SGTA: variants seen among roughly 807,000 people sequenced by gnomAD.
SGTA encodes the protein small glutamine rich tetratricopeptide repeat co-chaperone alpha.
A neutral mutation model predicts 44.3 loss-of-function variants in SGTA; 22 were observed. That is an observed-to-expected ratio of 0.50 (90% CI 0.36 to 0.71). The LOEUF is 0.71. SGTA is among the 30% of genes least tolerant of loss of function. The pLI, the probability that SGTA is intolerant of heterozygous loss-of-function variation, is 0.00. For synonymous variants in SGTA, 174 were observed against 177.6 expected (o/e 0.98, Z 0.16); for missense variants, 341 against 435.9 (o/e 0.78, Z 1.94).
intron 1 of SGTA, among the ~76,000 whole-genome samples, chr19:2,769,961 G>A (rs1218599566): frequency 1.5e-4 from 3 of 20,274 alleles, no homozygotes; most frequent in Non-Finnish European, 2.7e-4. Flanking sequence ...TCGGACACCC[G>A]CCTAGTTCCC....
chr19:2,756,892 C>T (rs1914834200), intron 11 of SGTA, among the ~76,000 whole-genome samples: 2 of 152,216 alleles, frequency 1.3e-5, no homozygotes, highest in African/African-American at 4.8e-5. Flanking sequence ...GCAGAACGCT[C>T]GGGCGCAGTC....
Position 2,761,600 on chromosome 19 carries a change from A to C in SGTA, c.637-78T>G. 1 of 1,162,934 alleles carries C rather than the reference A, an allele frequency of 8.6e-7. No individual in the cohort carries two copies. Among genetic ancestry groups the C allele is most frequent in the Non-Finnish European group, 1.3e-6 (1 of 797,620 alleles). 72.0% of individuals were successfully genotyped at this position (1,162,934 alleles called of 1,614,324 possible). ...AATAACCCCCTGGAACTCAGAAACA[A>C]CGGCCCCCCACGGGGCTCAGACATT... On this transcript the variant is annotated intron_variant, in intron 7 of 11. Transcript: ENST00000221566. The surrounding 1 kb of genome is among the most constrained non-coding windows in gnomAD (Gnocchi z 5.7).
Position 2,761,481 on chromosome 19 carries a change from G to T in SGTA, c.678C>A (p.Asn226Lys). ...VGSFDIAGLL[N>K]NPGFMSMASN... is the part of the protein sequence containing the mutation. ...TTACCATGCTCATGAAGCCAGGGTT[G>T]TTCAGCAGGCCGGCGATGTCGAAGC... Residue 226 changes from asparagine (N) to lysine (K), a missense_variant, in exon 8 of 12, where the codon AAC becomes AAA. By Grantham distance (94) the Asn-to-Lys change is moderately conservative. Coordinates refer to ENST00000221566, the MANE Select transcript of SGTA (RefSeq NM_003021.4). The surrounding 1 kb of genome is among the most constrained non-coding windows in gnomAD (Gnocchi z 5.7). 6.4e-7 allele frequency: 1 copy of T among 1,551,628 alleles called. No homozygotes were observed. Among genetic ancestry groups the T allele is most frequent in the African/African-American group, 1.4e-5 (1 of 73,132 alleles).
chr19:2,781,651 C>A (rs1248775291), intron 1 of SGTA, among the ~76,000 whole-genome samples: 1 of 152,104 alleles, frequency 6.6e-6, no homozygotes, highest in Non-Finnish European at 1.5e-5. Flanking sequence ...GGGGACCACC[C>A]GAGACCACCC....
At chr19:2,780,512 C>A (rs939869663) in intron 1 of SGTA, among the ~76,000 whole-genome samples, 4 of 152,134 alleles carry the variant, frequency 2.6e-5, no homozygotes, top group African/African-American at 9.7e-5. Flanking sequence ...GGGGCCTACA[C>A]CAAACCCTGT....
rs1326071243 is a variant in SGTA at position 2,767,493 on chromosome 19, G to A, written c.207+87C>T. 1 of 1,106,284 alleles carries A rather than the reference G, an allele frequency of 9.0e-7. No homozygotes were observed. Among genetic ancestry groups the A allele is most frequent in the Non-Finnish European group, 1.4e-6 (1 of 735,756 alleles). The allele number at this position is 1,106,284 out of a possible 1,614,324, so 68.5% of individuals were successfully genotyped here. On this transcript the variant is annotated intron_variant, in intron 3 of 11. Coordinates refer to ENST00000221566, the MANE Select transcript of SGTA (RefSeq NM_003021.4). This position sits in a 1 kb window ranked among gnomAD's most constrained non-coding sequence, Gnocchi z 7.3. Reference sequence around the variant, plus strand: ...TGCAGGCAGAGTGCTGGGGGACGATGAGAGCGGGGCTCCTGGGGTCCCCAG... The same window carrying A: ...TGCAGGCAGAGTGCTGGGGGACGATAAGAGCGGGGCTCCTGGGGTCCCCAG...
intron 2 of SGTA, among the ~76,000 whole-genome samples, chr19:2,768,269 C>A (rs1431295002): frequency 6.6e-6 from 1 of 152,112 alleles, no homozygotes; most frequent in Non-Finnish European, 1.5e-5. Flanking sequence ...CTCGTGTGGA[C>A]CCAGGGTCCT....
rs148766165 is a variant in SGTA at position 2,776,075 on chromosome 19, C to T, written c.-23-6984G>A. Among the ~76,000 whole-genome samples the T allele has an allele frequency of 2.7e-3, 411 of 152,230 alleles. 2 individuals are homozygous for T. The highest frequency in any genetic ancestry group is 8.5e-3 in the African/African-American group (351 of 41,536). On this transcript the variant is annotated intron_variant, in intron 1 of 11. Coordinates refer to ENST00000221566, the MANE Select transcript of SGTA (RefSeq NM_003021.4). ...CTCATGTACGACACATCAGGGCCCA[C>T]GGCAGTCAACCACCACCAGAAAGTG...
At chr19:2,782,067 C>G (rs144447190) in intron 1 of SGTA, among the ~76,000 whole-genome samples, 15 of 152,224 alleles carry the variant, frequency 9.9e-5, no homozygotes, top group African/African-American at 3.6e-4. Context: ...GTCTTGAACT[C>G]CTGACCTCAG....
chr19:2,769,057 CTTG>C lies in SGTA; in HGVS notation c.9_11del (p.Asn3del), dbSNP rs1446684063. Reference sequence around the variant, plus strand: ...GGATGATGGCGTAGGCCAGGCGCTTCTTGTTGTCCATCTTGAGCCCAGAAGAGG... The same window carrying C: ...GGATGATGGCGTAGGCCAGGCGCTTCTTGTCCATCTTGAGCCCAGAAGAGG... On this transcript the variant is annotated inframe_deletion, in exon 2 of 12. Transcript: ENST00000221566. 22 of 1,613,760 alleles carry C rather than the reference CTTG, an allele frequency of 1.4e-5. No individual in the cohort carries two copies. Among genetic ancestry groups the C allele is most frequent in the Non-Finnish European group, 1.6e-5 (19 of 1,179,870 alleles).
Position 2,755,901 on chromosome 19 carries a change from G to A in SGTA, c.*39C>T, listed in dbSNP as rs1427600993. 5 of 985,608 alleles carry A rather than the reference G, an allele frequency of 5.1e-6. No homozygotes were observed. The highest frequency in any genetic ancestry group is 6.2e-5 in the Admixed American group (1 of 16,250). 61.1% of individuals were successfully genotyped at this position (985,608 alleles called of 1,614,324 possible). Reference sequence around the variant, plus strand: ...ACAACCAGAAGGCTTCCTTCGGGTCGGCCAGGGAAGGACGCGGTCACACCG... The same window carrying A: ...ACAACCAGAAGGCTTCCTTCGGGTCAGCCAGGGAAGGACGCGGTCACACCG... On this transcript the variant is annotated 3_prime_UTR_variant, in exon 12 of 12. Coordinates refer to ENST00000221566, the MANE Select transcript of SGTA (RefSeq NM_003021.4). This position sits in a 1 kb window ranked among gnomAD's most constrained non-coding sequence, Gnocchi z 5.2.
At position 2,767,185 on chromosome 19, in the gene SGTA, G is replaced by T; in HGVS notation, c.243C>A (p.Thr81=). ...MPQDLRSPAR[T]PPSEEDSAEA... ...CTGCTGAGTCCTCCTCGGAAGGCGG[G>T]GTTCGCGCGGGGCTCCTCAGGTCCT... Residue 81 remains threonine, a synonymous_variant, in exon 4 of 12, where the codon ACC becomes ACA. Coordinates refer to ENST00000221566, the MANE Select transcript of SGTA (RefSeq NM_003021.4). This position sits in a 1 kb window ranked among gnomAD's most constrained non-coding sequence, Gnocchi z 7.3. 1.2e-6 allele frequency: 2 copies of T among 1,612,620 alleles called. No individual in the cohort carries two copies. The highest frequency in any genetic ancestry group is 1.7e-6 in the Non-Finnish European group (2 of 1,179,540).
intron 11 of SGTA, among the ~76,000 whole-genome samples, chr19:2,756,370 C>T (rs1278465931): frequency 2.6e-5 from 4 of 150,954 alleles, no homozygotes; most frequent in Non-Finnish European, 4.4e-5. Flanking sequence ...GCGGGAGGAT[C>T]GCTTGAGCCC....
intron 1 of SGTA, among the ~76,000 whole-genome samples, chr19:2,776,479 G>A (rs183807393): frequency 2.0e-4 from 31 of 152,266 alleles, no homozygotes; most frequent in African/African-American, 7.5e-4. Flanking sequence ...CCCCTCCTAG[G>A]CGGTCCCTAG....
chr19:2,767,533 G>T lies in SGTA; in HGVS notation c.207+47C>A. The T allele has an allele frequency of 6.7e-7, 1 of 1,492,562 alleles. No homozygotes were observed. Among genetic ancestry groups the T allele is most frequent in the Non-Finnish European group, 9.3e-7 (1 of 1,071,502 alleles). 92.5% of individuals were successfully genotyped at this position (1,492,562 alleles called of 1,614,324 possible). A position where few individuals can be genotyped will look rare whatever the true frequency, so the allele number is the denominator to read the frequency against. On this transcript the variant is annotated intron_variant, in intron 3 of 11. Coordinates refer to ENST00000221566, the MANE Select transcript of SGTA (RefSeq NM_003021.4). The surrounding 1 kb of genome is among the most constrained non-coding windows in gnomAD (Gnocchi z 7.3). ...GGGGTCCCCAGGGCTGCCTGCTGTT[G>T]CTGTTCTTATTTTGGGGGCAGTGGC...
Position 2,761,629 on chromosome 19 carries a change from T to C in SGTA, c.637-107A>G. The C allele has an allele frequency of 1.1e-6, 1 of 932,946 alleles. No individual in the cohort carries two copies. The highest frequency in any genetic ancestry group is 1.7e-6 in the Non-Finnish European group (1 of 598,222). 57.8% of individuals were successfully genotyped at this position (932,946 alleles called of 1,614,324 possible). A position where few individuals can be genotyped will look rare whatever the true frequency, so the allele number is the denominator to read the frequency against. Reference sequence around the variant, plus strand: ...CCCCCCACGGGGCTCAGACATTCTATCAACCCTGCGGCCAGAGGGTGCTTT... The same window carrying C: ...CCCCCCACGGGGCTCAGACATTCTACCAACCCTGCGGCCAGAGGGTGCTTT... On this transcript the variant is annotated intron_variant, in intron 7 of 11. Transcript: ENST00000221566. The surrounding 1 kb of genome is among the most constrained non-coding windows in gnomAD (Gnocchi z 5.7).
In SGTA at chr19:2,755,498, A is replaced by G. The variant is rs1264949033; in HGVS notation, c.*442T>C. On this transcript the variant is annotated 3_prime_UTR_variant, in exon 12 of 12. Transcript: ENST00000221566. The surrounding 1 kb of genome is among the most constrained non-coding windows in gnomAD (Gnocchi z 5.2). ...GTGGCCGGGAGGTCGACTCGGAAAG[A>G]GGCTTCTCACAGACGGGAGAGTTCC... The G allele has an allele frequency of 1.0e-6, 1 of 986,870 alleles. No homozygotes were observed. The highest frequency in any genetic ancestry group is 1.2e-6 in the Non-Finnish European group (1 of 830,114). The allele number at this position is 986,870 out of a possible 1,614,324, so 61.1% of individuals were successfully genotyped here. A position where few individuals can be genotyped will look rare whatever the true frequency, so the allele number is the denominator to read the frequency against.
intron 1 of SGTA, among the ~76,000 whole-genome samples, chr19:2,772,947 C>G (rs796989677): frequency 1.1e-4 from 6 of 55,502 alleles, no homozygotes; most frequent in South Asian, 9.3e-4. Flanking sequence ...CGCGGCCACA[C>G]GGCAGGGACA....
At position 2,779,934 on chromosome 19, in the gene SGTA, A is replaced by AG. The variant is rs1384850555; in HGVS notation, c.-24+3298_-24+3299insC. 4.6e-5 allele frequency among the ~76,000 whole-genome samples: 7 copies of AG among 152,080 alleles called. No homozygotes were observed. The East Asian group carries it at 1.4e-3, about 29-fold the overall frequency. ...ACAAAAGAGACTCTAAAAAAAAAAAATAGAATTAGCCTGATGTGGCGGCAC... is the reference window on the plus strand; with the variant it reads ...ACAAAAGAGACTCTAAAAAAAAAAAAGTAGAATTAGCCTGATGTGGCGGCAC... On this transcript the variant is annotated intron_variant, in intron 1 of 11. Coordinates refer to ENST00000221566, the MANE Select transcript of SGTA (RefSeq NM_003021.4).
Sources: gnomAD v4.1 joint callset for allele counts (sites outside exome capture counted in the v4.1 genomes callset) on GRCh38, gnomAD v4.1.1 for gene constraint, Gnocchi (gnomAD v3.1) non-coding constraint, MANE v1.5 for transcripts, NCBI Gene and HGNC (gene_info 2026-07-23, HGNC 2026-07-21) for gene names.